Variants in EDA observed in about 807,000 individuals in gnomAD.
EDA encodes the protein ectodysplasin A.
Under a neutral mutation model 23.6 loss-of-function variants are expected in EDA, and 2 were observed. The ratio of observed to expected loss-of-function variants is 0.08; its 90% CI spans 0.03 to 0.27. EDA has a LOEUF of 0.27. Ranked by LOEUF, EDA falls within the 10% of genes least tolerant of loss-of-function variation. The probability of loss-of-function intolerance (pLI) is 1.00; values close to 1 mark genes in which losing one functional copy is unlikely to be tolerated. For missense variants in EDA, 229 were observed against 324.2 expected, an observed-to-expected ratio of 0.71 and a Z score of 2.26; for synonymous variants, 131 against 132.0, an observed-to-expected ratio of 0.99 and a Z score of 0.05.
intron 1 of EDA, among the ~76,000 whole-genome samples, chrX:69,796,777 A>G (rs11094130): frequency 0.062 from 6,888 of 111,713 alleles, 496 homozygotes; most frequent in African/African-American, 0.21. Flanking sequence ...TGATGATTTT[A>G]AAGAAGCTGA....
intron 1 of EDA, among the ~76,000 whole-genome samples, chrX:69,807,009 C>T (rs1294046070): frequency 9.0e-6 from 1 of 110,595 alleles, no homozygotes; most frequent in African/African-American, 3.3e-5. Flanking sequence ...AGAAATGACT[C>T]GATTTTTTAT....
At position 69,751,378 on chromosome X, in the gene EDA, G is replaced by T. The variant is rs746348029; in HGVS notation, c.396+134674G>T. On this transcript the variant is annotated intron_variant, in intron 1 of 7. Transcript: ENST00000374552. Reference sequence around the variant, plus strand: ...CTGAGGGCTCTATTCTGTTCCATTGGTCTATATCTCTGTTTTGGTACCAGT... The same window carrying T: ...CTGAGGGCTCTATTCTGTTCCATTGTTCTATATCTCTGTTTTGGTACCAGT... Among the ~76,000 whole-genome samples, 5 of 112,092 alleles carry T rather than the reference G, an allele frequency of 4.5e-5. No individual in the cohort carries two copies. The East Asian group carries it at 1.4e-3, about 31-fold the overall frequency.
intron 1 of EDA, among the ~76,000 whole-genome samples, chrX:69,733,625 C>T (rs180975409): frequency 0.015 from 1,717 of 111,450 alleles, 31 homozygotes; most frequent in African/African-American, 0.054. Flanking sequence ...GTAGTTTTTT[C>T]CAATTCTGTG....
chrX:69,909,433 T>C (rs2018226097), intron 1 of EDA, among the ~76,000 whole-genome samples: 1 of 111,875 alleles, frequency 8.9e-6, no homozygotes, highest in Non-Finnish European at 1.9e-5. Flanking sequence ...CCCAAGTAGC[T>C]GGGATTACAG....
intron 1 of EDA, among the ~76,000 whole-genome samples, chrX:69,830,006 G>A (rs1452423417): frequency 9.0e-6 from 1 of 110,761 alleles, no homozygotes; most frequent in East Asian, 2.8e-4. Context: ...ATGTATTTTG[G>A]GCAGGCTTTT....
chrX:69,887,769 A>T (rs919888941), intron 1 of EDA, among the ~76,000 whole-genome samples: 5 of 111,807 alleles, frequency 4.5e-5, no homozygotes, highest in African/African-American at 1.6e-4. Flanking sequence ...GTAGGATGGT[A>T]TATACAAAGT....
chrX:69,693,647 C>T (rs1175577428), intron 1 of EDA, among the ~76,000 whole-genome samples: 1 of 111,358 alleles, frequency 9.0e-6, no homozygotes, highest in Non-Finnish European at 1.9e-5. Flanking sequence ...TGCCATTTGT[C>T]CTTTCAGTCT....
At chrX:69,804,461 T>C (rs2015768565) in intron 1 of EDA, among the ~76,000 whole-genome samples, 1 of 111,313 alleles carries the variant, frequency 9.0e-6, no homozygotes, top group Admixed American at 9.6e-5. Context: ...TATACATCTA[T>C]GAAATATTAT....
chrX:69,742,204 G>A (rs2013479607), intron 1 of EDA, among the ~76,000 whole-genome samples: 2 of 111,763 alleles, frequency 1.8e-5, no homozygotes, highest in South Asian at 7.4e-4. Flanking sequence ...AGTGGTAAGT[G>A]TGTAGAGTCA....
chrX:69,819,451 T>C lies in EDA; in HGVS notation c.397-137576T>C, dbSNP rs764736764. On this transcript the variant is annotated intron_variant, in intron 1 of 7. Transcript: ENST00000374552. ...AAGTCAAATTATCTTTGTTTGTAGATGACATGATCCTATATCTAGAAAACC... is the reference window on the plus strand; with the variant it reads ...AAGTCAAATTATCTTTGTTTGTAGACGACATGATCCTATATCTAGAAAACC... 6.3e-4 allele frequency among the ~76,000 whole-genome samples: 71 copies of C among 112,264 alleles called. No individual in the cohort carries two copies. The Admixed American group carries it at 6.7e-3, about 11-fold the overall frequency.
intron 1 of EDA, among the ~76,000 whole-genome samples, chrX:69,703,542 G>C (rs112902800): frequency 8.9e-6 from 1 of 112,512 alleles, no homozygotes; most frequent in Non-Finnish European, 1.9e-5. Context: ...CCTGGGTGCA[G>C]ACGGGCTGAG....
intron 1 of EDA, among the ~76,000 whole-genome samples, chrX:69,785,418 T>A (rs1335248242): frequency 1.0e-5 from 1 of 97,879 alleles, no homozygotes; most frequent in Non-Finnish European, 2.2e-5. Flanking sequence ...AGTTTGATAT[T>A]GGCTGTGGGT....
intron 1 of EDA, among the ~76,000 whole-genome samples, chrX:69,691,267 G>A (rs1175788128): frequency 3.6e-5 from 4 of 111,510 alleles, no homozygotes; most frequent in African/African-American, 6.5e-5. Flanking sequence ...ATGAATTAAC[G>A]TGTAAAATCT....
intron 1 of EDA, among the ~76,000 whole-genome samples, chrX:69,624,424 A>G (rs1421712602): frequency 9.0e-6 from 1 of 111,432 alleles, no homozygotes; most frequent in Admixed American, 9.5e-5. Context: ...TTAATTTTCT[A>G]TCACTTTACC....
At chrX:69,743,654 T>A (rs2013528922) in intron 1 of EDA, among the ~76,000 whole-genome samples, 1 of 111,571 alleles carries the variant, frequency 9.0e-6, no homozygotes, top group South Asian at 3.8e-4. Flanking sequence ...TGCTAATAGT[T>A]CTCTACAATT....
intron 1 of EDA, among the ~76,000 whole-genome samples, chrX:69,714,549 A>G (rs1378803349): frequency 1.8e-5 from 2 of 111,920 alleles, no homozygotes; most frequent in African/African-American, 3.2e-5. Context: ...ATTTAAGTCT[A>G]TGATACATTT....
At chrX:69,922,356 G>A (rs1042592302) in intron 1 of EDA, among the ~76,000 whole-genome samples, 14 of 112,003 alleles carry the variant, frequency 1.2e-4, no homozygotes, top group African/African-American at 4.5e-4. Context: ...GTAAAACTAT[G>A]TTTAACTTTG....
intron 1 of EDA, among the ~76,000 whole-genome samples, chrX:69,673,971 A>G (rs1442075171): frequency 9.0e-6 from 1 of 111,322 alleles, no homozygotes; most frequent in Non-Finnish European, 1.9e-5. Context: ...TCTAAAAAAC[A>G]TTTCCTGGAA....
chrX:69,717,520 G>GTT (rs371792367), intron 1 of EDA, among the ~76,000 whole-genome samples: 87 of 86,427 alleles, frequency 1.0e-3, no homozygotes, highest in South Asian at 1.8e-3. Context: ...ATGTCAAATT[G>GTT]TTTTTTTTTT....
Sources: gnomAD v4.1 joint callset for allele counts (sites outside exome capture counted in the v4.1 genomes callset) on GRCh38, gnomAD v4.1.1 for gene constraint, MANE v1.5 for transcripts, NCBI Gene and HGNC (gene_info 2026-07-23, HGNC 2026-07-21) for gene names.